The following TECTA variants were observed in gnomAD, a reference collection of about 807,000 sequenced individuals.
The protein encoded by TECTA is tectorin alpha, also known as alpha-tectorin.
Under a neutral mutation model 216.8 loss-of-function variants are expected in TECTA, and 128 were observed. The observed-to-expected ratio is 0.59, with a 90% CI of 0.51 to 0.68. TECTA has a LOEUF of 0.68. Ranked by LOEUF, TECTA falls within the 30% of genes least tolerant of loss-of-function variation. The pLI is 0.00. For synonymous variants in TECTA, 1,089 were observed against 1,117.1 expected, an observed-to-expected ratio of 0.97 and a Z score of 0.50; for missense variants, 2,551 against 2,786.2, an observed-to-expected ratio of 0.92 and a Z score of 1.90.
chr11:121,184,831 C>A (rs1003228927), intron 20 of TECTA, among the ~76,000 whole-genome samples: 1 of 152,200 alleles, frequency 6.6e-6, no homozygotes, highest in Admixed American at 6.5e-5. Context: ...GATGTTTATC[C>A]TCCTCAAAGG....
chr11:121,131,949 G>A (rs552126613), intron 10 of TECTA, among the ~76,000 whole-genome samples: 10 of 152,264 alleles, frequency 6.6e-5, no homozygotes, highest in South Asian at 4.1e-4. Context: ...AGATTCGATC[G>A]CTTGCTTAAG....
intron 20 of TECTA, among the ~76,000 whole-genome samples, chr11:121,183,725 C>CA (rs565698533): frequency 4.3e-4 from 65 of 151,818 alleles, no homozygotes; most frequent in African/African-American, 1.6e-3. Flanking sequence ...GACTCCATCT[C>CA]AAAAAAAATA....
chr11:121,143,170 A>G (rs1185600671), intron 11 of TECTA, among the ~76,000 whole-genome samples: 1 of 152,158 alleles, frequency 6.6e-6, no homozygotes, highest in Non-Finnish European at 1.5e-5. Context: ...TGCAGGGTTT[A>G]TCTCTTGGGC....
At chr11:121,147,709 G>T (rs1946852277) in intron 12 of TECTA, among the ~76,000 whole-genome samples, 1 of 152,146 alleles carries the variant, frequency 6.6e-6, no homozygotes, top group Non-Finnish European at 1.5e-5. Flanking sequence ...AAGCTGTTTT[G>T]GAAGGGAAAG....
intron 12 of TECTA, among the ~76,000 whole-genome samples, chr11:121,146,985 C>A (rs1011945781): frequency 6.6e-6 from 1 of 152,140 alleles, no homozygotes; most frequent in South Asian, 2.1e-4. Context: ...AGCTTCTAAC[C>A]CAAAGCCCAG....
intron 10 of TECTA, among the ~76,000 whole-genome samples, chr11:121,130,419 A>C (rs1261632382): frequency 1.3e-5 from 2 of 152,132 alleles, no homozygotes; most frequent in African/African-American, 4.8e-5. Flanking sequence ...TCCTAACTGC[A>C]CAGTACCTCC....
chr11:121,113,873 C>T lies in TECTA; in HGVS notation c.790+155C>T, dbSNP rs1371709131. The stretch of plus-strand genomic sequence containing the variant: ...GAGATCAAGGTAATTTTAGCATGTG[C>T]ATTCATCACATCAGAAGCTAAAACA... On this transcript the variant is annotated intron_variant, in intron 6 of 23. Transcript: ENST00000392793. The surrounding 1 kb of genome is among the most constrained non-coding windows in gnomAD (Gnocchi z 4.2). Among the ~76,000 whole-genome samples the T allele has an allele frequency of 6.6e-6, 1 of 152,190 alleles. No individual in the cohort carries two copies. The highest frequency in any genetic ancestry group is 1.5e-5 in the Non-Finnish European group (1 of 68,028).
chr11:121,190,939 A>T lies in TECTA; in HGVS notation c.*133A>T. 1.4e-6 allele frequency: 1 copy of T among 716,222 alleles called. No individual in the cohort carries two copies. Among genetic ancestry groups the T allele is most frequent in the African/African-American group, 1.8e-5 (1 of 56,942 alleles). The allele number at this position is 716,222 out of a possible 1,614,324, so 44.4% of individuals were successfully genotyped here. ...CTCAAAATGATGCCACCTGCCTCCA[A>T]TGGTCCAAGGTCCAGAAACCAGCGA... is the stretch of plus-strand genomic sequence containing the variant. On this transcript the variant is annotated 3_prime_UTR_variant, in exon 24 of 24. Coordinates refer to ENST00000392793, the MANE Select transcript of TECTA (RefSeq NM_005422.4).
chr11:121,104,385 A>T (rs1156888379), intron 2 of TECTA, among the ~76,000 whole-genome samples: 1 of 152,122 alleles, frequency 6.6e-6, no homozygotes, highest in African/African-American at 2.4e-5. Flanking sequence ...GACCCGACAC[A>T]GCGCCTCCTA....
chr11:121,119,134 T>A (rs1946532880), intron 7 of TECTA, among the ~76,000 whole-genome samples: 1 of 151,868 alleles, frequency 6.6e-6, no homozygotes, highest in Non-Finnish European at 1.5e-5. Context: ...ACAAACACAA[T>A]ACAAACCCCC....
rs1297816566 is a variant in TECTA at position 121,159,007 on chromosome 11, GC to G, written c.4689+786del. Reference sequence around the variant, plus strand: ...AGGTCACTCGGAAGGATGGAGCCAGGCCCTGGCACTGTGAGCACAGAGAGGC... The same window carrying G: ...AGGTCACTCGGAAGGATGGAGCCAGGCCTGGCACTGTGAGCACAGAGAGGC... On this transcript the variant is annotated intron_variant, in intron 14 of 23. Coordinates refer to ENST00000392793, the MANE Select transcript of TECTA (RefSeq NM_005422.4). Among the ~76,000 whole-genome samples, 3 of 152,180 alleles carry G rather than the reference GC, an allele frequency of 2.0e-5. No individual in the cohort carries two copies. In the East Asian group the frequency reaches 5.8e-4, roughly 29 times the overall value.
At chr11:121,164,950 G>T (rs1947036583) in intron 16 of TECTA, among the ~76,000 whole-genome samples, 1 of 152,158 alleles carries the variant, frequency 6.6e-6, no homozygotes, top group South Asian at 2.1e-4. Flanking sequence ...AGATGACTGG[G>T]GTTAAGAGCA....
In TECTA at chr11:121,190,979, C is replaced by G. The variant is rs1440927690; in HGVS notation, c.*173C>G. The G allele has an allele frequency of 1.7e-6, 1 of 579,192 alleles. No individual in the cohort carries two copies. The highest frequency in any genetic ancestry group is 2.6e-5 in the Admixed American group (1 of 37,978). The allele number at this position is 579,192 out of a possible 1,614,324, so 35.9% of individuals were successfully genotyped here. ...GAAACCAGCGACCATCCAAGCTCCT[C>G]TTTCAGAGTATGAAACGGGGCTTCT... On this transcript the variant is annotated 3_prime_UTR_variant, in exon 24 of 24. Transcript: ENST00000392793.
chr11:121,154,988 G>A (rs1449406730), intron 13 of TECTA, among the ~76,000 whole-genome samples: 1 of 152,186 alleles, frequency 6.6e-6, no homozygotes, highest in Non-Finnish European at 1.5e-5. Context: ...CAAACATTAT[G>A]AGCAGTTTTT....
At chr11:121,170,719 G>A (rs1380347785) in intron 20 of TECTA, among the ~76,000 whole-genome samples, 1 of 152,008 alleles carries the variant, frequency 6.6e-6, no homozygotes, top group Non-Finnish European at 1.5e-5. Flanking sequence ...TTGGCCATTT[G>A]TATGTCTTCT....
At chr11:121,156,278 G>C (rs932590259) in intron 13 of TECTA, among the ~76,000 whole-genome samples, 1 of 152,080 alleles carries the variant, frequency 6.6e-6, no homozygotes, top group African/African-American at 2.4e-5. Context: ...AGGCTTAAGC[G>C]GTCCTCCCAC....
At chr11:121,162,448 G>C in intron 16 of TECTA, 78 bp downstream of exon 16, 1 of 1,492,024 alleles carries the variant, frequency 6.7e-7, no homozygotes, top group Non-Finnish European at 9.1e-7. Flanking sequence ...GCTTTTTCTA[G>C]GGATGACTGG....
rs573828832 is a variant in TECTA, at chr11:121,189,864, C to T, written c.6351C>T (p.Asp2117=). Residue 2117 remains aspartate (D), a synonymous_variant, in exon 23 of 24, where the codon GAC becomes GAT. Transcript: ENST00000392793. ...CSCVTGTLQE[D]GKSCRASNSS... ...GTGTAACAGGAACCCTGCAGGAGGA[C>T]GGCAAGAGCTGCAGAGGTAGACACT... The T allele has an allele frequency of 9.3e-6, 15 of 1,612,956 alleles. No individual in the cohort carries two copies. Among genetic ancestry groups the T allele is most frequent in the African/African-American group, 2.7e-5 (2 of 74,964 alleles).
At chr11:121,136,158 C>T (rs1946724522) in intron 10 of TECTA, among the ~76,000 whole-genome samples, 1 of 152,102 alleles carries the variant, frequency 6.6e-6, no homozygotes, top group East Asian at 1.9e-4. Context: ...GATGGGGTTT[C>T]ACCATGTTGG....
Sources: gnomAD v4.1 joint callset for allele counts (sites outside exome capture counted in the v4.1 genomes callset) on GRCh38, gnomAD v4.1.1 for gene constraint, Gnocchi (gnomAD v3.1) non-coding constraint, MANE v1.5 for transcripts, NCBI Gene and HGNC (gene_info 2026-07-23, HGNC 2026-07-21) for gene names.